Variants in ADARB2 observed in about 807,000 individuals in gnomAD.
ADARB2 encodes the protein inactive double-stranded RNA-specific editase B2.
ADARB2 carries 25 observed loss-of-function variants against 62.2 expected under a neutral mutation model. The observed-to-expected ratio is 0.40, with a 90% confidence interval of 0.29 to 0.56. ADARB2 has a LOEUF of 0.56. Ranked by LOEUF, ADARB2 falls within the 20% of genes least tolerant of loss-of-function variation. The pLI is 0.43. For missense variants in ADARB2, 1,071 were observed against 1,077.4 expected, an observed-to-expected ratio of 0.99 and a Z score of 0.08; for synonymous variants, 572 against 500.8, an observed-to-expected ratio of 1.14 and a Z score of -1.90.
chr10:1,661,589 G>T (rs1588342998), intron 1 of ADARB2, among the ~76,000 whole-genome samples: 1 of 152,192 alleles, frequency 6.6e-6, no homozygotes, highest in Admixed American at 6.5e-5. Context: ...CAGAGGGTGG[G>T]CTTTAGCCAG....
At chr10:1,451,946 T>A (rs1404505450) in intron 1 of ADARB2, among the ~76,000 whole-genome samples, 2 of 151,900 alleles carry the variant, frequency 1.3e-5, no homozygotes, top group East Asian at 1.9e-4. Flanking sequence ...GAGTGGATAT[T>A]TTTTTTTAGA....
chr10:1,445,351 T>G (rs1302320016), intron 1 of ADARB2, among the ~76,000 whole-genome samples: 1 of 151,126 alleles, frequency 6.6e-6, no homozygotes, highest in Non-Finnish European at 1.5e-5. Context: ...TTCATCCCTC[T>G]ACATCAATTT....
intron 1 of ADARB2, among the ~76,000 whole-genome samples, chr10:1,615,455 G>A (rs147763922): frequency 1.1e-4 from 16 of 152,326 alleles, no homozygotes; most frequent in African/African-American, 3.1e-4. Flanking sequence ...CAGGATGCGC[G>A]GTATGGTGGA....
intron 5 of ADARB2, among the ~76,000 whole-genome samples, chr10:1,235,244 C>T (rs1436363311): frequency 7.1e-6 from 1 of 140,470 alleles, no homozygotes; most frequent in African/African-American, 2.7e-5. Context: ...GGCCTGGGCT[C>T]CGTCACCAGC....
chr10:1,621,301 A>G (rs1007285856), intron 1 of ADARB2, among the ~76,000 whole-genome samples: 2 of 152,238 alleles, frequency 1.3e-5, no homozygotes, highest in South Asian at 4.1e-4. Context: ...TAAACATATC[A>G]ATCGTCTTTT....
chr10:1,635,414 A>G (rs1342897483), intron 1 of ADARB2, among the ~76,000 whole-genome samples: 1 of 152,248 alleles, frequency 6.6e-6, no homozygotes, highest in Non-Finnish European at 1.5e-5. Context: ...CTAAGACGGT[A>G]TGAGCCTTGA....
chr10:1,354,155 T>G (rs1832171666), intron 3 of ADARB2, among the ~76,000 whole-genome samples: 1 of 152,010 alleles, frequency 6.6e-6, no homozygotes, highest in Non-Finnish European at 1.5e-5. Context: ...CCCCAAAAAT[T>G]TTCGCCGCCC....
At chr10:1,446,728 G>A (rs1218790761) in intron 1 of ADARB2, among the ~76,000 whole-genome samples, 3 of 152,176 alleles carry the variant, frequency 2.0e-5, no homozygotes, top group South Asian at 4.1e-4. Context: ...CAGTGTTCTC[G>A]TGACAGTTAA....
chr10:1,658,295 G>T (rs761588816), intron 1 of ADARB2, among the ~76,000 whole-genome samples: 4 of 146,514 alleles, frequency 2.7e-5, no homozygotes, highest in Non-Finnish European at 4.5e-5. Flanking sequence ...TCTCTATGTA[G>T]CTCTTCTGTC....
At chr10:1,424,165 A>G (rs1390980001) in intron 1 of ADARB2, among the ~76,000 whole-genome samples, 1 of 152,148 alleles carries the variant, frequency 6.6e-6, no homozygotes, top group Non-Finnish European at 1.5e-5. Flanking sequence ...TGTATGCAGT[A>G]GGTCCACTAT....
intron 2 of ADARB2, among the ~76,000 whole-genome samples, chr10:1,377,463 T>C (rs943727801): frequency 3.5e-5 from 5 of 142,614 alleles, no homozygotes; most frequent in African/African-American, 1.3e-4. Flanking sequence ...TGTGTGTGTG[T>C]GCTCCTGGGG....
intron 8 of ADARB2, among the ~76,000 whole-genome samples, 183 bp from the exon 9 acceptor site, chr10:1,185,222 G>C (rs1230733333): frequency 6.6e-6 from 1 of 152,222 alleles, no homozygotes; most frequent in Non-Finnish European, 1.5e-5. Flanking sequence ...GCAGGATCGT[G>C]GTGGCCGCCT....
At chr10:1,273,882 G>A (rs2131800611) in intron 3 of ADARB2, among the ~76,000 whole-genome samples, 1 of 152,324 alleles carries the variant, frequency 6.6e-6, no homozygotes, top group African/African-American at 2.4e-5. Flanking sequence ...CCCTGGCTCT[G>A]GGACCGGGTG....
chr10:1,212,040 G>T (rs1027756481), intron 7 of ADARB2, among the ~76,000 whole-genome samples: 1 of 152,090 alleles, frequency 6.6e-6, no homozygotes, highest in Non-Finnish European at 1.5e-5. Flanking sequence ...CATTTCCACG[G>T]CCACGTGTGT....
chr10:1,185,823 C>T (rs1025390929), intron 8 of ADARB2, among the ~76,000 whole-genome samples: 6 of 152,198 alleles, frequency 3.9e-5, no homozygotes, highest in South Asian at 4.1e-4. Context: ...ACTTTTAACC[C>T]GGACCATACA....
chr10:1,231,175 C>T (rs191148082), intron 6 of ADARB2, among the ~76,000 whole-genome samples: 1 of 152,266 alleles, frequency 6.6e-6, no homozygotes, highest in African/African-American at 2.4e-5. Context: ...CCACCAGGGA[C>T]ATATTAGCCA....
intron 5 of ADARB2, among the ~76,000 whole-genome samples, chr10:1,234,539 C>T (rs962794072): frequency 2.0e-5 from 3 of 151,206 alleles, no homozygotes; most frequent in Non-Finnish European, 3.0e-5. Flanking sequence ...TTCCTGGGCT[C>T]AAGTGATCCT....
At chr10:1,227,719 A>C (rs1252291507) in intron 6 of ADARB2, among the ~76,000 whole-genome samples, 2 of 152,226 alleles carry the variant, frequency 1.3e-5, no homozygotes, top group African/African-American at 4.8e-5. Context: ...TACCATCACA[A>C]GGGGGAGAGA....
In ADARB2 at chr10:1,613,626, A is replaced by G. The variant is rs113382496; in HGVS notation, c.100+123425T>C. Among the ~76,000 whole-genome samples the G allele has an allele frequency of 2.1e-3, 313 of 152,360 alleles. 1 individual carries two copies. Among genetic ancestry groups the G allele is most frequent in the Middle Eastern group, 0.01 (3 of 294 alleles). The stretch of plus-strand genomic sequence containing the variant: ...CAGTGTATCCAGGTTTACATGCTGT[A>G]ATCGTGTTCACCCATGAGCTGGGAT... On this transcript the variant is annotated intron_variant, in intron 1 of 9. Coordinates refer to ENST00000381312, the MANE Select transcript of ADARB2 (RefSeq NM_018702.4).
Sources: gnomAD v4.1 joint callset for allele counts (sites outside exome capture counted in the v4.1 genomes callset) on GRCh38, gnomAD v4.1.1 for gene constraint, MANE v1.5 for transcripts, NCBI Gene and HGNC (gene_info 2026-07-23, HGNC 2026-07-21) for gene names.